The following PCSK5 variants were observed in gnomAD, a reference collection of about 807,000 sequenced individuals.
PCSK5 encodes the protein proprotein convertase subtilisin/kexin type 5, also known as prohormone convertase 5.
Under a neutral mutation model 233.2 loss-of-function variants are expected in PCSK5, and 129 were observed. That is an observed-to-expected ratio of 0.55 (90% CI 0.48 to 0.64). The LOEUF is 0.64. Ranked by LOEUF, PCSK5 falls within the 30% of genes least tolerant of loss-of-function variation. The pLI is 0.00. For missense variants in PCSK5, 2,076 were observed against 2,430.1 expected (o/e 0.85, Z 3.06); for synonymous variants, 825 against 879.2 (o/e 0.94, Z 1.09).
intron 2 of PCSK5, among the ~76,000 whole-genome samples, chr9:75,972,131 A>G (rs1297303936): frequency 1.3e-5 from 2 of 152,242 alleles, no homozygotes; most frequent in Non-Finnish European, 2.9e-5. Context: ...TTTATTAAAT[A>G]GGGAATCCTT....
At chr9:76,183,008 G>A (rs1422778746) in intron 16 of PCSK5, among the ~76,000 whole-genome samples, 2 of 152,174 alleles carry the variant, frequency 1.3e-5, no homozygotes, top group African/African-American at 2.4e-5. Flanking sequence ...TAAGGACTCT[G>A]CCTTTCTTGC....
chr9:75,891,130 C>A lies in PCSK5; in HGVS notation c.-52C>A. The A allele has an allele frequency of 7.1e-7, 1 of 1,414,114 alleles. No homozygotes were observed. The highest frequency in any genetic ancestry group is 2.8e-5 in the East Asian group (1 of 35,430). 87.6% of individuals were successfully genotyped at this position (1,414,114 alleles called of 1,614,324 possible). A position where few individuals can be genotyped will look rare whatever the true frequency, so the allele number is the denominator to read the frequency against. On this transcript the variant is annotated 5_prime_UTR_variant, in exon 1 of 38. Transcript: ENST00000674117. ...GCCGGAGAAGTTAGTTGTGCGCGCC[C>A]TTAGTGCGCGGAACCAGCCAGCGAG...
chr9:76,195,130 G>A (rs915806277), intron 20 of PCSK5: 2 of 156,336 alleles, frequency 1.3e-5, no homozygotes, highest in Non-Finnish European at 2.8e-5. Context: ...AACTGATTTT[G>A]CTAAGCAGTC....
At chr9:76,261,096 G>A (rs1827159905) in intron 24 of PCSK5, among the ~76,000 whole-genome samples, 1 of 152,080 alleles carries the variant, frequency 6.6e-6, no homozygotes, top group Admixed American at 6.6e-5. Context: ...AGCAATTAGA[G>A]GAAATTTCTG....
chr9:76,068,714 G>A (rs1272144517), intron 6 of PCSK5, among the ~76,000 whole-genome samples: 1 of 152,126 alleles, frequency 6.6e-6, no homozygotes, highest in African/African-American at 2.4e-5. Context: ...AATCATCTTT[G>A]TAAGCAACAG....
chr9:76,338,449 T>TGAGA lies in PCSK5; in HGVS notation c.4966+4_4966+7dup. On this transcript the variant is annotated splice_region_variant and intron_variant, in intron 35 of 37. Coordinates refer to ENST00000674117, the MANE Select transcript of PCSK5 (RefSeq NM_001372043.1). The stretch of plus-strand genomic sequence containing the variant: ...ATCCGACTTGTGATCAATGCAAAGG[T>TGAGA]GAGAGTCTACCTGTCATTTTGCATG... The TGAGA allele has an allele frequency of 6.3e-7, 1 of 1,596,620 alleles. No homozygotes were observed. The highest frequency in any genetic ancestry group is 8.6e-7 in the Non-Finnish European group (1 of 1,165,282).
chr9:75,949,267 AC>A (rs1428999286), intron 2 of PCSK5, among the ~76,000 whole-genome samples: 1 of 151,832 alleles, frequency 6.6e-6, no homozygotes, highest in African/African-American at 2.4e-5. Flanking sequence ...GGTTAAGAAT[AC>A]CAGTACTGTG....
chr9:75,912,859 A>G (rs989682090), intron 1 of PCSK5, among the ~76,000 whole-genome samples: 1 of 152,114 alleles, frequency 6.6e-6, no homozygotes, highest in Admixed American at 6.5e-5. Context: ...CTTTTTGTAA[A>G]TGACAAAGGG....
At chr9:76,253,433 C>T (rs1372819541) in intron 24 of PCSK5, among the ~76,000 whole-genome samples, 1 of 152,102 alleles carries the variant, frequency 6.6e-6, no homozygotes, top group African/African-American at 2.4e-5. Context: ...CCCTCATTGT[C>T]TAAATGATAC....
intron 4 of PCSK5, 38 bp from the exon 5 acceptor site, chr9:76,026,923 C>T: frequency 2.1e-6 from 3 of 1,399,508 alleles, no homozygotes; most frequent in Non-Finnish European, 3.0e-6. Flanking sequence ...TAATGAATGT[C>T]CATTTCCTTT....
chr9:76,064,713 C>T (rs1021153426), intron 5 of PCSK5, among the ~76,000 whole-genome samples: 1 of 149,734 alleles, frequency 6.7e-6, no homozygotes, highest in African/African-American at 2.5e-5. Context: ...CGGGCAGAGA[C>T]GCTCCTCACC....
chr9:76,225,121 C>T (rs956535495), intron 20 of PCSK5, among the ~76,000 whole-genome samples: 2 of 152,184 alleles, frequency 1.3e-5, no homozygotes, highest in African/African-American at 4.8e-5. Context: ...GTCCTGTGTA[C>T]ACCCTTGCTC....
chr9:76,233,310 G>A (rs1826151472), intron 21 of PCSK5, 150 bp from the exon 22 acceptor site: 3 of 740,952 alleles, frequency 4.0e-6, no homozygotes, highest in South Asian at 1.8e-5. Flanking sequence ...TATTTCACAT[G>A]TTCTAAGATG....
intron 1 of PCSK5, among the ~76,000 whole-genome samples, chr9:75,929,555 C>T (rs1823680791): frequency 6.6e-6 from 1 of 151,930 alleles, no homozygotes; most frequent in Non-Finnish European, 1.5e-5. Context: ...AGGGTCCACC[C>T]TCTCCCTCCA....
At position 76,192,067 on chromosome 9, in the gene PCSK5, C is replaced by CAAAAAAAAAA. The variant is rs5898457; in HGVS notation, c.2626+2332_2626+2341dup. On this transcript the variant is annotated intron_variant, in intron 20 of 37. Transcript: ENST00000674117. ...CCTAGGCAACAGAGCAAGACTGTCT[C>CAAAAAAAAAA]AAAAAAAAAAAAAAAAAAAAGAAGT... Among the ~76,000 whole-genome samples the CAAAAAAAAAA allele has an allele frequency of 5.9e-5, 6 of 101,226 alleles. 1 individual carries two copies. Among genetic ancestry groups the CAAAAAAAAAA allele is most frequent in the Non-Finnish European group, 9.4e-5 (5 of 53,262 alleles). 66.4% of individuals were successfully genotyped at this position (101,226 alleles called of 152,430 possible). A position where few individuals can be genotyped will look rare whatever the true frequency, so the allele number is the denominator to read the frequency against.
At chr9:75,903,521 A>G (rs1321367143) in intron 1 of PCSK5, among the ~76,000 whole-genome samples, 3 of 145,974 alleles carry the variant, frequency 2.1e-5, no homozygotes, top group Non-Finnish European at 3.0e-5. Context: ...AACTGTTTAT[A>G]TTCTGTCTCT....
chr9:75,991,875 GA>G (rs1218052556), intron 3 of PCSK5, among the ~76,000 whole-genome samples: 1 of 152,056 alleles, frequency 6.6e-6, no homozygotes, highest in Non-Finnish European at 1.5e-5. Flanking sequence ...AAAATGTTTA[GA>G]ATGTTCAAGA....
chr9:76,292,455 C>T (rs1011950426), intron 25 of PCSK5, among the ~76,000 whole-genome samples, 180 bp downstream of exon 25: 2 of 152,146 alleles, frequency 1.3e-5, no homozygotes, highest in African/African-American at 2.4e-5. Flanking sequence ...TTCCTTGCCT[C>T]GAAAGGAGGC....
rs1423964658 is a variant in PCSK5, at chr9:76,360,932, A to C, written c.*2010A>C. On this transcript the variant is annotated 3_prime_UTR_variant, in exon 38 of 38. Coordinates refer to ENST00000674117, the MANE Select transcript of PCSK5 (RefSeq NM_001372043.1). The stretch of plus-strand genomic sequence containing the variant: ...ATTCTCAGTTCACAGCATTACAAGA[A>C]CAGGTGGTGGGTCAGATTTGGCCAA... The C allele has an allele frequency of 6.6e-6, 1 of 152,226 alleles. No individual in the cohort carries two copies. Among genetic ancestry groups the C allele is most frequent in the Non-Finnish European group, 1.5e-5 (1 of 68,042 alleles). 9.4% of individuals were successfully genotyped at this position (152,226 alleles called of 1,614,324 possible). A position where few individuals can be genotyped will look rare whatever the true frequency, so the allele number is the denominator to read the frequency against.
Sources: allele counts gnomAD v4.1 joint callset (sites outside exome capture counted in the v4.1 genomes callset), GRCh38; gene constraint gnomAD v4.1.1; transcripts MANE v1.5; gene names NCBI Gene and HGNC (gene_info 2026-07-23, HGNC 2026-07-21).